LUZP2: variants seen among roughly 807,000 people sequenced by gnomAD.
LUZP2 encodes leucine zipper protein 2.
A neutral mutation model predicts 51.6 loss-of-function variants in LUZP2; 52 were observed. The observed-to-expected ratio is 1.01, with a 90% confidence interval of 0.81 to 1.27. The LOEUF is 1.27. Among genes scored for constraint, LUZP2 ranks in the 50% most tolerant of loss-of-function variants. The pLI is 0.00. For missense variants in LUZP2, 436 were observed against 395.4 expected (o/e 1.10, Z -0.87); for synonymous variants, 154 against 137.3 (o/e 1.12, Z -0.85).
At chr11:24,910,603 T>C (rs1337367426) in intron 6 of LUZP2, among the ~76,000 whole-genome samples, 1 of 152,200 alleles carries the variant, frequency 6.6e-6, no homozygotes, top group Non-Finnish European at 1.5e-5. Context: ...GTATTGAGCC[T>C]GTGGGCACAC....
intron 5 of LUZP2, among the ~76,000 whole-genome samples, chr11:24,780,575 T>C (rs1849061588): frequency 6.6e-6 from 1 of 152,116 alleles, no homozygotes. Context: ...ATGCCAATCA[T>C]GATGAAGGTG....
At chr11:24,640,887 G>C (rs944027935) in intron 1 of LUZP2, among the ~76,000 whole-genome samples, 5 of 151,382 alleles carry the variant, frequency 3.3e-5, no homozygotes, top group East Asian at 1.9e-4. Flanking sequence ...AAAGTGTACT[G>C]CTTGTCCTAA....
Position 24,871,731 on chromosome 11 carries a change from T to TA in LUZP2, c.397-34250dup, listed in dbSNP as rs552040825. Among the ~76,000 whole-genome samples the TA allele has an allele frequency of 1.4e-3, 214 of 147,912 alleles. 1 individual carries two copies. The highest frequency in any genetic ancestry group is 7.6e-3 in the South Asian group (36 of 4,718). On this transcript the variant is annotated intron_variant, in intron 5 of 11. Coordinates refer to ENST00000336930, the MANE Select transcript of LUZP2 (RefSeq NM_001009909.4). ...AGCCAGTATTCCCTATAAACTACAG[T>TA]AAAAAAAAAATGTTTACTAGCATCT...
Position 24,898,246 on chromosome 11 carries a change from TA to T in LUZP2, c.397-7734del, listed in dbSNP as rs35478837. On this transcript the variant is annotated intron_variant, in intron 5 of 11. Coordinates refer to ENST00000336930, the MANE Select transcript of LUZP2 (RefSeq NM_001009909.4). The stretch of plus-strand genomic sequence containing the variant: ...ACATCCAGTTTATGAGTGACAATTA[TA>T]AAAAAAAAAATCAGGTAAGTATGTC... 2.0e-3 allele frequency among the ~76,000 whole-genome samples: 298 copies of T among 149,654 alleles called. 1 individual carries two copies. The highest frequency in any genetic ancestry group is 2.1e-3 in the Non-Finnish European group (143 of 67,272).
At chr11:24,791,753 A>G (rs1222483141) in intron 5 of LUZP2, among the ~76,000 whole-genome samples, 2 of 152,116 alleles carry the variant, frequency 1.3e-5, no homozygotes, top group Non-Finnish European at 2.9e-5. Context: ...ATTATTTAAG[A>G]AGCAACATTT....
At chr11:24,763,168 T>A in intron 4 of LUZP2, 78 bp from the exon 5 acceptor site, 1 of 681,342 alleles carries the variant, frequency 1.5e-6, no homozygotes, top group Non-Finnish European at 2.3e-6. Flanking sequence ...TTATTATTTC[T>A]CAAAATAATG....
At chr11:24,530,762 C>CTTTTTTTTT (rs367857815) in intron 1 of LUZP2, among the ~76,000 whole-genome samples, 34 of 75,342 alleles carry the variant, frequency 4.5e-4, no homozygotes, top group Admixed American at 8.2e-4. Flanking sequence ...CTTCTTCTTA[C>CTTTTTTTTT]TTTTTTTTTT....
intron 1 of LUZP2, among the ~76,000 whole-genome samples, chr11:24,612,986 G>T (rs1396838): frequency 6.6e-6 from 1 of 151,866 alleles, no homozygotes; most frequent in South Asian, 2.1e-4. Flanking sequence ...AGCAGTTACA[G>T]CATCTTTGTG....
At chr11:24,763,804 C>CT (rs1860078674) in intron 5 of LUZP2, among the ~76,000 whole-genome samples, 1 of 152,016 alleles carries the variant, frequency 6.6e-6, no homozygotes, top group Non-Finnish European at 1.5e-5. Context: ...CATTTTTCTT[C>CT]TTTGATTCTT....
At chr11:24,891,990 G>T in intron 5 of LUZP2, 1 of 985,564 alleles carries the variant, frequency 1.0e-6, no homozygotes, top group Middle Eastern at 5.2e-4. Flanking sequence ...GGTATAGCTG[G>T]CATGGGACTG....
At chr11:24,995,675 A>G (rs576244931) in intron 9 of LUZP2, among the ~76,000 whole-genome samples, 1 of 152,194 alleles carries the variant, frequency 6.6e-6, no homozygotes, top group Non-Finnish European at 1.5e-5. Flanking sequence ...CAGATAATAA[A>G]TTATGTGATT....
rs1180128597 is a variant in LUZP2, at chr11:24,870,457, G to C, written c.397-35534G>C. Among the ~76,000 whole-genome samples, 4 of 144,254 alleles carry C rather than the reference G, an allele frequency of 2.8e-5. No individual in the cohort carries two copies. The East Asian group carries it at 8.4e-4, about 30-fold the overall frequency. 94.6% of individuals were successfully genotyped at this position (144,254 alleles called of 152,430 possible). On this transcript the variant is annotated intron_variant, in intron 5 of 11. Transcript: ENST00000336930. ...ATTCTGTATCTATTGAAATCTATGA[G>C]CACACCAGTTCCTACACACACACAC...
At position 25,078,615 on chromosome 11, in the gene LUZP2, C is replaced by T. The variant is rs773564969; in HGVS notation, c.998C>T (p.Thr333Ile). Residue 333 changes from threonine (T) to isoleucine (I), a missense_variant, in exon 12 of 12, where the codon ACC (threonine) becomes ATC (isoleucine). Coordinates refer to ENST00000336930, the MANE Select transcript of LUZP2 (RefSeq NM_001009909.4). ...AAAAAAGCCCCAGAAAAACCATTGA[C>T]CAGCTTTGAAGGGATGGCAGCTAGA... ...EVKKAPEKPL[T>I]SFEGMAAREE... 5 of 1,611,976 alleles carry T rather than the reference C, an allele frequency of 3.1e-6. No individual in the cohort carries two copies. The East Asian group carries it at 8.9e-5, about 29-fold the overall frequency.
chr11:24,703,893 A>G (rs929519331), intron 1 of LUZP2, among the ~76,000 whole-genome samples: 1 of 152,022 alleles, frequency 6.6e-6, no homozygotes, highest in Admixed American at 6.6e-5. Flanking sequence ...TTCACAAACT[A>G]TTTTAGTTTT....
chr11:25,059,617 G>C lies in LUZP2; in HGVS notation c.858+9487G>C, dbSNP rs148717381. 3.5e-3 allele frequency among the ~76,000 whole-genome samples: 537 copies of C among 152,254 alleles called. 3 individuals are homozygous for C. The highest frequency in any genetic ancestry group is 0.012 in the African/African-American group (519 of 41,564). ...ATGGGCTGATTGATCTGATGTTTCT[G>C]CCTTGAGGGGGAAAAAAGAATAAAA... On this transcript the variant is annotated intron_variant, in intron 10 of 11. Coordinates refer to ENST00000336930, the MANE Select transcript of LUZP2 (RefSeq NM_001009909.4).
chr11:24,841,543 A>G (rs10834496), intron 5 of LUZP2, among the ~76,000 whole-genome samples: 88,451 of 151,934 alleles, frequency 0.58, 27,056 homozygotes, highest in Middle Eastern at 0.7. Flanking sequence ...GACAAATTAT[A>G]TATGCAATAA....
Position 24,931,884 on chromosome 11 carries a change from A to G in LUZP2, c.522+17346A>G, listed in dbSNP as rs114501748. On this transcript the variant is annotated intron_variant, in intron 7 of 11. Transcript: ENST00000336930. ...TTTGTTTTTTCTTTCATTTGGTTAT[A>G]CTATATCAGAGGGAAGATCTGGGGT... Among the ~76,000 whole-genome samples, 1,482 of 152,152 alleles carry G rather than the reference A, an allele frequency of 9.7e-3. 28 individuals carry two copies. The highest frequency in any genetic ancestry group is 0.034 in the African/African-American group (1,396 of 41,502).
At chr11:25,032,632 G>T (rs538307210) in intron 9 of LUZP2, among the ~76,000 whole-genome samples, 3 of 152,242 alleles carry the variant, frequency 2.0e-5, no homozygotes, top group Admixed American at 1.3e-4. Context: ...GGAAGTGCTT[G>T]TGAAGGGAAA....
rs58796586 is a variant in LUZP2, at chr11:24,568,797, T to C, written c.62+71492T>C. On this transcript the variant is annotated intron_variant, in intron 1 of 11. Coordinates refer to ENST00000336930, the MANE Select transcript of LUZP2 (RefSeq NM_001009909.4). ...ACCTATATAAATTCAGCTGGAGGGG[T>C]AGGATGATTTGAAAGTTGTTAATTT... 3.6e-3 allele frequency among the ~76,000 whole-genome samples: 544 copies of C among 152,056 alleles called. 3 individuals carry two copies. Among genetic ancestry groups the C allele is most frequent in the Middle Eastern group, 0.017 (5 of 294 alleles).
Sources: gnomAD v4.1 joint callset for allele counts (sites outside exome capture counted in the v4.1 genomes callset) on GRCh38, gnomAD v4.1.1 for gene constraint, MANE v1.5 for transcripts, NCBI Gene and HGNC (gene_info 2026-07-23, HGNC 2026-07-21) for gene names.